ZNF844: variants seen among roughly 807,000 people sequenced by gnomAD.
ZNF844 encodes zinc finger protein 844.
ZNF844 carries 11 observed loss-of-function variants against 11.4 expected under a neutral mutation model. The ratio of observed to expected loss-of-function variants is 0.97; its 90% CI spans 0.61 to 1.60. The LOEUF is 1.60. ZNF844 is among the 40% of genes most tolerant of loss of function. The pLI, the probability that ZNF844 is intolerant of heterozygous loss-of-function variation, is 0.00. For missense variants in ZNF844, 790 were observed against 796.8 expected (o/e 0.99, Z 0.10); for synonymous variants, 248 against 260.3 (o/e 0.95, Z 0.46).
chr19:12,064,852 G>C lies in ZNF844; in HGVS notation c.-22G>C, dbSNP rs564178735. Reference sequence around the variant, plus strand: ...CTGTGTTGTGACTGCTTTGGACGTGGGAGTCACCTGAAAGCCAGGAAATGG... The same window carrying C: ...CTGTGTTGTGACTGCTTTGGACGTGCGAGTCACCTGAAAGCCAGGAAATGG... On this transcript the variant is annotated 5_prime_UTR_variant, in exon 1 of 4. Coordinates refer to ENST00000439326, the MANE Select transcript of ZNF844 (RefSeq NM_001136501.3). 2.2e-4 allele frequency: 346 copies of C among 1,549,764 alleles called. 21 individuals are homozygous for C. In the East Asian group the frequency reaches 8.1e-3, roughly 36 times the overall value.
In ZNF844 at chr19:12,076,175, A is replaced by G. The variant is rs773587899; in HGVS notation, c.1055A>G (p.Gln352Arg). The G allele has an allele frequency of 1.3e-6, 2 of 1,583,118 alleles. No individual in the cohort carries two copies. The highest frequency in any genetic ancestry group is 2.3e-5 in the South Asian group (2 of 88,294). Residue 352 changes from glutamine to arginine, a missense_variant, in exon 4 of 4, where the codon CAA becomes CGA. Physicochemically the swap from Gln to Arg is conservative, Grantham distance 43. Coordinates refer to ENST00000439326, the MANE Select transcript of ZNF844 (RefSeq NM_001136501.3). The stretch of plus-strand genomic sequence containing the variant: ...AAAGCATTATCTTATCTTAACTTTC[A>G]AAGACACATGAAAATGCACACTAGA... ...CGKALSYLNF[Q>R]RHMKMHTRMR...
chr19:12,074,096 T>C lies in ZNF844; in HGVS notation c.69T>C (p.Pro23=), dbSNP rs1469158463. ...FTQEEWSLLD[P]SQKNLYREVM... ...AGGAGGAGTGGTCTTTGCTGGATCC[T>C]TCCCAGAAGAATCTCTACAGAGAAG... The change falls in exon 2 of 4, where the codon CCT becomes CCC. Residue 23 remains proline, a synonymous_variant. Transcript: ENST00000439326. 6.2e-7 allele frequency: 1 copy of C among 1,613,632 alleles called. No individual in the cohort carries two copies. The highest frequency in any genetic ancestry group is 8.5e-7 in the Non-Finnish European group (1 of 1,179,820).
rs545669038 is a variant in ZNF844, at chr19:12,080,304, C to T, written c.*3183C>T. 8 of 251,024 alleles carry T rather than the reference C, an allele frequency of 3.2e-5. No individual in the cohort carries two copies. The highest frequency in any genetic ancestry group is 1.5e-5 in the Non-Finnish European group (2 of 131,336). 15.5% of individuals were successfully genotyped at this position (251,024 alleles called of 1,614,324 possible). ...GGCAGAGCTTGCAGTGAACCGAGAT[C>T]GCGCCACTGCACTCCAGCGGCGACA... On this transcript the variant is annotated 3_prime_UTR_variant, in exon 4 of 4. Coordinates refer to ENST00000439326, the MANE Select transcript of ZNF844 (RefSeq NM_001136501.3).
At position 12,079,380 on chromosome 19, in the gene ZNF844, C is replaced by G. The variant is rs991562545; in HGVS notation, c.*2259C>G. 1 of 152,118 alleles carries G rather than the reference C, an allele frequency of 6.6e-6. No homozygotes were observed. Among genetic ancestry groups the G allele is most frequent in the East Asian group, 1.9e-4 (1 of 5,196 alleles). The allele number at this position is 152,118 out of a possible 1,614,324, so 9.4% of individuals were successfully genotyped here. A position where few individuals can be genotyped will look rare whatever the true frequency, so the allele number is the denominator to read the frequency against. On this transcript the variant is annotated 3_prime_UTR_variant, in exon 4 of 4. Transcript: ENST00000439326. Reference sequence around the variant, plus strand: ...AAATCCTATTATAAGAAATTGATTGCTGTGCACGGTAGCTTACCTGTAATT... The same window carrying G: ...AAATCCTATTATAAGAAATTGATTGGTGTGCACGGTAGCTTACCTGTAATT...
Position 12,076,607 on chromosome 19 carries a change from G to A in ZNF844, c.1487G>A (p.Gly496Glu), listed in dbSNP as rs1049139647. 2 of 1,612,258 alleles carry A rather than the reference G, an allele frequency of 1.2e-6. No individual in the cohort carries two copies. The highest frequency in any genetic ancestry group is 8.5e-7 in the Non-Finnish European group (1 of 1,179,328). Reference sequence around the variant, plus strand: ...CCACTTCCTTTCGATATCATGAAAGGACTCACACTGGAGAGAAACCCTATG... The same window carrying A: ...CCACTTCCTTTCGATATCATGAAAGAACTCACACTGGAGAGAAACCCTATG... ...FFPLPFDIMK[G>E]LTLERNPMSV... The change falls in exon 4 of 4, where the codon GGA becomes GAA. Residue 496 changes from glycine to glutamate, a missense_variant. Around this residue, in one of 3 missense-constraint regions of ZNF844, gnomAD observed 657 missense variants for 636.2 expected, o/e 1.03. Transcript: ENST00000439326.
Position 12,076,519 on chromosome 19 carries a change from G to T in ZNF844, c.1399G>T (p.Glu467Ter), listed in dbSNP as rs200818646. The change falls in exon 4 of 4, where the codon GAA becomes TAA. Residue 467 changes from glutamate (E) to a stop codon, truncating the protein, a stop_gained. Transcript: ENST00000439326. LOFTEE classifies it low-confidence loss of function (END_TRUNC). ...SDLPHTFKCMEGLTLKRNPMN... is the reference protein window; with the variant it reads ...SDLPHTFKCM ...TCTGCCTCACACCTTCAAATGCATG[G>T]AAGGACTCACACTCAAGAGAAACCC... is the stretch of plus-strand genomic sequence containing the variant. 5.8e-4 allele frequency: 910 copies of T among 1,558,092 alleles called. 7 individuals are homozygous for T. The Middle Eastern group carries it at 0.018, about 31-fold the overall frequency.
Position 12,076,766 on chromosome 19 carries a change from T to C in ZNF844, c.1646T>C (p.Phe549Ser). 1 of 1,590,868 alleles carries C rather than the reference T, an allele frequency of 6.3e-7. No individual in the cohort carries two copies. The highest frequency in any genetic ancestry group is 1.1e-5 in the South Asian group (1 of 88,924). The change falls in exon 4 of 4, where the codon TTC becomes TCC. Residue 549 changes from phenylalanine (F) to serine (S), a missense_variant. Transcript: ENST00000439326. ...TTGGATCTGTCAGAAACCTTCAAAT[T>C]CATGAAAAGACACACCCTGGAGAGA... ...KPLDLSETFK[F>S]MKRHTLERNP...
Position 12,074,440 on chromosome 19 carries a change from A to G in ZNF844, c.191+19A>G, listed in dbSNP as rs1225150338. 1 of 1,501,664 alleles carries G rather than the reference A, an allele frequency of 6.7e-7. No homozygotes were observed. Among genetic ancestry groups the G allele is most frequent in the Non-Finnish European group, 9.0e-7 (1 of 1,112,984 alleles). 93.0% of individuals were successfully genotyped at this position (1,501,664 alleles called of 1,614,324 possible). On this transcript the variant is annotated intron_variant, in intron 3 of 3. Transcript: ENST00000439326. ...ATCTAAGGTGATTTAAACTCACGAG[A>G]CAAAGCAATGTCTCTCTAGAAAATC... is the stretch of plus-strand genomic sequence containing the variant.
At position 12,080,268 on chromosome 19, in the gene ZNF844, T is replaced by A. The variant is rs1177746899; in HGVS notation, c.*3147T>A. The A allele has an allele frequency of 1.4e-5, 3 of 218,270 alleles. No homozygotes were observed. The highest frequency in any genetic ancestry group is 2.7e-5 in the Non-Finnish European group (3 of 113,176). The allele number at this position is 218,270 out of a possible 1,614,324, so 13.5% of individuals were successfully genotyped here. A position where few individuals can be genotyped will look rare whatever the true frequency, so the allele number is the denominator to read the frequency against. ...GGGAGGCTGAAGCAGGAGAATGGCGTGAATCCAGGAGGCAGAGCTTGCAGT... is the reference window on the plus strand; with the variant it reads ...GGGAGGCTGAAGCAGGAGAATGGCGAGAATCCAGGAGGCAGAGCTTGCAGT... On this transcript the variant is annotated 3_prime_UTR_variant, in exon 4 of 4. Transcript: ENST00000439326.
At chr19:12,065,611 TTTTC>T (rs1975679367) in intron 1 of ZNF844, among the ~76,000 whole-genome samples, 1 of 151,338 alleles carries the variant, frequency 6.6e-6, no homozygotes, top group South Asian at 2.1e-4. Flanking sequence ...AGTTAGGGAT[TTTTC>T]TTTAATATTT....
chr19:12,075,443 G>A lies in ZNF844; in HGVS notation c.323G>A (p.Cys108Tyr), dbSNP rs1358090332. Residue 108 changes from cysteine (C) to tyrosine (Y), a missense_variant, in exon 4 of 4, where the codon TGT becomes TAT. Transcript: ENST00000439326. ...PGVKSCESSV[C>Y]GEVFVGHSSL... is the part of the protein sequence containing the mutation. ...GTAAAATCATGTGAAAGCAGTGTGT[G>A]TGGAGAAGTCTTCGTGGGTCATTCT... is the stretch of plus-strand genomic sequence containing the variant. 6.2e-7 allele frequency: 1 copy of A among 1,612,592 alleles called. No homozygotes were observed. Among genetic ancestry groups the A allele is most frequent in the Non-Finnish European group, 8.5e-7 (1 of 1,179,528 alleles).
chr19:12,066,456 G>A (rs551093658), intron 1 of ZNF844, among the ~76,000 whole-genome samples: 1 of 150,096 alleles, frequency 6.7e-6, no homozygotes, highest in South Asian at 2.1e-4. Flanking sequence ...CCCGACTCAT[G>A]GTTTTTCATT....
rs1224035103 is a variant in ZNF844 at position 12,067,359 on chromosome 19, C to T, written c.3+2483C>T. Reference sequence around the variant, plus strand: ...GGGTGCAGTGGCTTACGCCTGTAATCCCAGCGCTTTGGGAGGCCGGGTCGG... The same window carrying T: ...GGGTGCAGTGGCTTACGCCTGTAATTCCAGCGCTTTGGGAGGCCGGGTCGG... On this transcript the variant is annotated intron_variant, in intron 1 of 3. Coordinates refer to ENST00000439326, the MANE Select transcript of ZNF844 (RefSeq NM_001136501.3). Among the ~76,000 whole-genome samples, 7 of 152,154 alleles carry T rather than the reference C, an allele frequency of 4.6e-5. No individual in the cohort carries two copies. The South Asian group carries it at 1.5e-3, about 32-fold the overall frequency.
In ZNF844 at chr19:12,076,595, A is replaced by G. The variant is rs1283363499; in HGVS notation, c.1475A>G (p.Asp492Gly). ...VKPSFFPLPF[D>G]IMKGLTLERN... ...CCTTCATTTTTTCCACTTCCTTTCGATATCATGAAAGGACTCACACTGGAG... is the reference window on the plus strand; with the variant it reads ...CCTTCATTTTTTCCACTTCCTTTCGGTATCATGAAAGGACTCACACTGGAG... The change falls in exon 4 of 4, where the codon GAT (aspartate) becomes GGT (glycine). Residue 492 changes from aspartate to glycine, a missense_variant. Around this residue, in one of 3 missense-constraint regions of ZNF844, gnomAD observed 657 missense variants for 636.2 expected, o/e 1.03. Coordinates refer to ENST00000439326, the MANE Select transcript of ZNF844 (RefSeq NM_001136501.3). 1.2e-6 allele frequency: 2 copies of G among 1,611,144 alleles called. No individual in the cohort carries two copies. The highest frequency in any genetic ancestry group is 1.7e-6 in the Non-Finnish European group (2 of 1,178,920).
In ZNF844 at chr19:12,077,266, A is replaced by C. The variant is rs2069061673; in HGVS notation, c.*145A>C. ...ATTTCTTCCACTGCCATTCGTAGAC[A>C]TGAAAGGACTCACACTGGAGAGAAA... On this transcript the variant is annotated 3_prime_UTR_variant, in exon 4 of 4. Transcript: ENST00000439326. The C allele has an allele frequency of 2.9e-6, 4 of 1,403,368 alleles. No homozygotes were observed. Among genetic ancestry groups the C allele is most frequent in the Non-Finnish European group, 4.0e-6 (4 of 991,842 alleles). 86.9% of individuals were successfully genotyped at this position (1,403,368 alleles called of 1,614,324 possible).
chr19:12,074,918 A>G (rs1368089876), intron 3 of ZNF844, among the ~76,000 whole-genome samples: 1 of 152,204 alleles, frequency 6.6e-6, no homozygotes, highest in African/African-American at 2.4e-5. Flanking sequence ...GAATTCTCAT[A>G]TGGTGTTTTT....
At position 12,076,429 on chromosome 19, in the gene ZNF844, A is replaced by G. The variant is rs1352893170; in HGVS notation, c.1309A>G (p.Ile437Val). 3 of 1,613,024 alleles carry G rather than the reference A, an allele frequency of 1.9e-6. No individual in the cohort carries two copies. Among genetic ancestry groups the G allele is most frequent in the Non-Finnish European group, 2.5e-6 (3 of 1,179,608 alleles). The stretch of plus-strand genomic sequence containing the variant: ...TTCATTTCTTCCACTTCCTTTCGAT[A>G]TCATGAAAGGACTCACACTGGAGAG... ...KPSFLPLPFD[I>V]MKGLTLERNR... The change falls in exon 4 of 4, where the codon ATC becomes GTC. Residue 437 changes from isoleucine to valine, a missense_variant. Physicochemically the swap from Ile to Val is conservative, Grantham distance 29. Transcript: ENST00000439326.
chr19:12,066,265 G>A (rs951101089), intron 1 of ZNF844, among the ~76,000 whole-genome samples: 1 of 151,874 alleles, frequency 6.6e-6, no homozygotes, highest in East Asian at 2.0e-4. Flanking sequence ...GAGGTGGTGG[G>A]AAATGGTCCT....
At chr19:12,074,978 T>A (rs1687079330) in intron 3 of ZNF844, among the ~76,000 whole-genome samples, 1 of 152,190 alleles carries the variant, frequency 6.6e-6, no homozygotes, top group African/African-American at 2.4e-5. Flanking sequence ...ATAGGCCATC[T>A]TATAGCCATA....
Sources: gnomAD v4.1 joint callset for allele counts (sites outside exome capture counted in the v4.1 genomes callset) on GRCh38, gnomAD v4.1.1 for gene constraint, gnomAD v4.1.1 regional missense constraint, MANE v1.5 for transcripts, NCBI Gene and HGNC (gene_info 2026-07-23, HGNC 2026-07-21) for gene names.